UBE2E2: variants seen among roughly 807,000 people sequenced by gnomAD.
UBE2E2 encodes ubiquitin conjugating enzyme E2 E2.
UBE2E2 carries 6 observed loss-of-function variants against 24.7 expected under a neutral mutation model. The ratio of observed to expected loss-of-function variants is 0.24; its 90% CI spans 0.13 to 0.48. UBE2E2 has a LOEUF of 0.48. Among genes scored for constraint, UBE2E2 ranks in the 20% least tolerant of loss-of-function variants. UBE2E2 has a pLI of 0.99. For synonymous variants in UBE2E2, 104 were observed against 83.6 expected (o/e 1.24, Z -1.33); for missense variants, 169 against 245.0 (o/e 0.69, Z 2.07).
At chr3:23,308,941 T>G (rs1340646659) in intron 3 of UBE2E2, among the ~76,000 whole-genome samples, 1 of 152,166 alleles carries the variant, frequency 6.6e-6, no homozygotes, top group Non-Finnish European at 1.5e-5. Context: ...CTGAAGAACC[T>G]GGAGTCTGAT....
intron 3 of UBE2E2, among the ~76,000 whole-genome samples, chr3:23,250,592 A>G (rs1040206947): frequency 2.0e-4 from 30 of 152,224 alleles, no homozygotes; most frequent in African/African-American, 6.0e-4. Flanking sequence ...CGATGAAACT[A>G]TTGAATGCAT....
chr3:23,399,171 C>G (rs1261354532), intron 3 of UBE2E2, among the ~76,000 whole-genome samples: 1 of 152,134 alleles, frequency 6.6e-6, no homozygotes, highest in Non-Finnish European at 1.5e-5. Flanking sequence ...CCATAGTAAC[C>G]TCAGCGTAGG....
At chr3:23,344,330 A>G (rs976112209) in intron 3 of UBE2E2, among the ~76,000 whole-genome samples, 21 of 152,140 alleles carry the variant, frequency 1.4e-4, no homozygotes, top group Non-Finnish European at 2.8e-4. Context: ...CTTCCAAGAA[A>G]CACATCCAGA....
intron 3 of UBE2E2, among the ~76,000 whole-genome samples, chr3:23,421,837 G>A (rs974183634): frequency 6.6e-6 from 1 of 152,258 alleles, no homozygotes; most frequent in Admixed American, 6.5e-5. Context: ...AGAGACTCAG[G>A]TGCGAGGGAG....
chr3:23,353,349 C>T (rs1055716040), intron 3 of UBE2E2, among the ~76,000 whole-genome samples: 17 of 152,098 alleles, frequency 1.1e-4, no homozygotes, highest in Admixed American at 3.3e-4. Context: ...CCTCTCTCAC[C>T]ACTCCTATTC....
At chr3:23,215,851 C>T (rs1696461843) in intron 2 of UBE2E2, among the ~76,000 whole-genome samples, 1 of 152,130 alleles carries the variant, frequency 6.6e-6, no homozygotes, top group African/African-American at 2.4e-5. Context: ...TTTGAAGTGT[C>T]TGTTGTATAC....
At chr3:23,285,370 T>G (rs1698593152) in intron 3 of UBE2E2, among the ~76,000 whole-genome samples, 3 of 152,198 alleles carry the variant, frequency 2.0e-5, no homozygotes, top group Admixed American at 6.5e-5. Flanking sequence ...ATAAATTGAT[T>G]CCTTTCTTTT....
At chr3:23,506,173 T>C (rs1321933905) in intron 4 of UBE2E2, among the ~76,000 whole-genome samples, 1 of 152,246 alleles carries the variant, frequency 6.6e-6, no homozygotes, top group Non-Finnish European at 1.5e-5. Flanking sequence ...GCAGTTGTCA[T>C]GGAATAACAT....
intron 3 of UBE2E2, among the ~76,000 whole-genome samples, chr3:23,490,527 G>T (rs983798091): frequency 6.6e-6 from 1 of 152,062 alleles, no homozygotes; most frequent in Non-Finnish European, 1.5e-5. Context: ...AAGTCTGTTG[G>T]CATAGTTGTG....
intron 3 of UBE2E2, among the ~76,000 whole-genome samples, chr3:23,328,129 C>A (rs1575563415): frequency 6.6e-6 from 1 of 151,942 alleles, no homozygotes; most frequent in African/African-American, 2.4e-5. Context: ...ATCAATGCAA[C>A]ATTTCTGGAT....
intron 3 of UBE2E2, among the ~76,000 whole-genome samples, chr3:23,271,771 T>A (rs1218069001): frequency 6.6e-6 from 1 of 152,156 alleles, no homozygotes; most frequent in Non-Finnish European, 1.5e-5. Flanking sequence ...AGGGTGCTAA[T>A]TGGTGTATTT....
intron 3 of UBE2E2, among the ~76,000 whole-genome samples, chr3:23,361,480 A>T (rs1052117851): frequency 6.6e-6 from 1 of 152,240 alleles, no homozygotes; most frequent in African/African-American, 2.4e-5. Flanking sequence ...TATAGACACC[A>T]TGGACTACTA....
chr3:23,278,040 A>T (rs1698408227), intron 3 of UBE2E2, among the ~76,000 whole-genome samples: 1 of 152,148 alleles, frequency 6.6e-6, no homozygotes, highest in African/African-American at 2.4e-5. Flanking sequence ...GTCGGCTTTT[A>T]TGATTTGGGA....
Position 23,582,891 on chromosome 3 carries a change from G to GTGTGTGTGTGTGTGTGTGTGTGTA in UBE2E2, c.509-6840_509-6839insGTGTGTGTGTGTGTGTGTGTATGT, listed in dbSNP as rs1553622745. Among the ~76,000 whole-genome samples, 58 of 148,726 alleles carry GTGTGTGTGTGTGTGTGTGTGTGTA rather than the reference G, an allele frequency of 3.9e-4. 1 individual carries two copies. The highest frequency in any genetic ancestry group is 1.4e-3 in the African/African-American group (57 of 39,878). On this transcript the variant is annotated intron_variant, in intron 5 of 5. Transcript: ENST00000396703. Reference sequence around the variant, plus strand: ...TGTGTGTGTGTGTGTGTGTGTGTGTGTGTTGTGTGTTTGTTTGCTGTGCAG... The same window carrying GTGTGTGTGTGTGTGTGTGTGTGTA: ...TGTGTGTGTGTGTGTGTGTGTGTGTGTGTGTGTGTGTGTGTGTGTGTGTATGTTGTGTGTTTGTTTGCTGTGCAG...
At chr3:23,301,307 C>G (rs944257325) in intron 3 of UBE2E2, among the ~76,000 whole-genome samples, 5 of 152,212 alleles carry the variant, frequency 3.3e-5, no homozygotes, top group Admixed American at 6.5e-5. Flanking sequence ...CTCCGTCCAG[C>G]TTTGTTCTGT....
intron 3 of UBE2E2, among the ~76,000 whole-genome samples, chr3:23,356,713 T>G (rs1377661696): frequency 6.6e-6 from 1 of 152,154 alleles, no homozygotes; most frequent in East Asian, 1.9e-4. Flanking sequence ...CCAAGTAGTT[T>G]TAGGTGGAAG....
chr3:23,328,337 AT>A (rs1694962257), intron 3 of UBE2E2, among the ~76,000 whole-genome samples: 1 of 152,180 alleles, frequency 6.6e-6, no homozygotes, highest in South Asian at 2.1e-4. Context: ...TGACTTTATG[AT>A]GGTGCAAAAG....
At chr3:23,242,392 CG>C in intron 3 of UBE2E2, among the ~76,000 whole-genome samples, 1 of 99,688 alleles carries the variant, frequency 1.0e-5, no homozygotes, top group African/African-American at 4.0e-5. Context: ...CCCCGCCCCC[CG>C]CCCCCCCAGT....
rs1559442828 is a variant in UBE2E2 at position 23,217,326 on chromosome 3, G to T, written c.227+14G>T. 1 of 1,611,184 alleles carries T rather than the reference G, an allele frequency of 6.2e-7. No homozygotes were observed. Among genetic ancestry groups the T allele is most frequent in the South Asian group, 1.1e-5 (1 of 90,882 alleles). Reference sequence around the variant, plus strand: ...TCCCAACTGTAGGTAAGTACTCATGGTTTTTTATTTACTTGTATCTTTTGC... The same window carrying T: ...TCCCAACTGTAGGTAAGTACTCATGTTTTTTTATTTACTTGTATCTTTTGC... On this transcript the variant is annotated intron_variant, in intron 3 of 5. Transcript: ENST00000396703.
Sources: allele counts gnomAD v4.1 joint callset (sites outside exome capture counted in the v4.1 genomes callset), GRCh38; gene constraint gnomAD v4.1.1; transcripts MANE v1.5; gene names NCBI Gene and HGNC (gene_info 2026-07-23, HGNC 2026-07-21).